Variants in TMPRSS11E observed in about 807,000 individuals in gnomAD.
The protein encoded by TMPRSS11E is transmembrane serine protease 11E.
Under a neutral mutation model 48.1 loss-of-function variants are expected in TMPRSS11E, and 38 were observed. That is an observed-to-expected ratio of 0.79 (90% CI 0.61 to 1.04). TMPRSS11E has a LOEUF of 1.04. Among genes scored for constraint, TMPRSS11E ranks in the 50% least tolerant of loss-of-function variants. The pLI, the probability that TMPRSS11E is intolerant of heterozygous loss-of-function variation, is 0.00. For synonymous variants in TMPRSS11E, 158 were observed against 171.9 expected, an observed-to-expected ratio of 0.92 and a Z score of 0.63; for missense variants, 530 against 510.8, an observed-to-expected ratio of 1.04 and a Z score of -0.36.
At chr4:68,481,739 C>CAGA (rs1729406961) in intron 9 of TMPRSS11E, among the ~76,000 whole-genome samples, 2 of 152,118 alleles carry the variant, frequency 1.3e-5, no homozygotes, top group Non-Finnish European at 2.9e-5. Flanking sequence ...CACTAGAGCT[C>CAGA]AGAAGTTCAA....
At chr4:68,473,225 G>A (rs1729121973) in intron 5 of TMPRSS11E, among the ~76,000 whole-genome samples, 1 of 152,040 alleles carries the variant, frequency 6.6e-6, no homozygotes, top group African/African-American at 2.4e-5. Context: ...AGCAAAAGTT[G>A]TTGGCTAATA....
At chr4:68,494,860 G>A (rs550213666) in intron 9 of TMPRSS11E, among the ~76,000 whole-genome samples, 1 of 152,314 alleles carries the variant, frequency 6.6e-6, no homozygotes, top group East Asian at 1.9e-4. Context: ...ACAGGGAAGT[G>A]TAGTCCTGAG....
intron 9 of TMPRSS11E, among the ~76,000 whole-genome samples, chr4:68,488,609 G>T (rs1578145611): frequency 6.6e-6 from 1 of 152,016 alleles, no homozygotes; most frequent in African/African-American, 2.4e-5. Flanking sequence ...CAAGATATCG[G>T]CTCACTGCAA....
In TMPRSS11E at chr4:68,461,935, T is replaced by C; in HGVS notation, c.126T>C (p.Tyr42=). 1.2e-6 allele frequency: 2 copies of C among 1,614,192 alleles called. No homozygotes were observed. Among genetic ancestry groups the C allele is most frequent in the South Asian group, 2.2e-5 (2 of 91,086 alleles). Residue 42 remains tyrosine (Y), a synonymous_variant, in exon 2 of 10, where the codon TAT becomes TAC. Coordinates refer to ENST00000305363, the MANE Select transcript of TMPRSS11E (RefSeq NM_014058.4). ...LAVCIGLTVH[Y]VRYNQKKTYN... ...TGTGCATTGGACTCACTGTTCATTATGTGAGATATAGTAAGTATAAGCTGC... is the reference window on the plus strand; with the variant it reads ...TGTGCATTGGACTCACTGTTCATTACGTGAGATATAGTAAGTATAAGCTGC...
intron 6 of TMPRSS11E, 116 bp downstream of exon 6, chr4:68,474,877 T>A: frequency 1.2e-6 from 1 of 838,002 alleles, no homozygotes; most frequent in Non-Finnish European, 1.9e-6. Flanking sequence ...AAAGTTTGAT[T>A]AATTTGTGTA....
At chr4:68,450,396 G>A (rs944569656) in intron 1 of TMPRSS11E, among the ~76,000 whole-genome samples, 2 of 151,888 alleles carry the variant, frequency 1.3e-5, no homozygotes, top group African/African-American at 2.4e-5. Flanking sequence ...TTGTCTAGGC[G>A]GTTAGTAAGT....
At chr4:68,463,951 T>G (rs3805203) in intron 2 of TMPRSS11E, among the ~76,000 whole-genome samples, 20,620 of 152,224 alleles carry the variant, frequency 0.14, 1,851 homozygotes, top group Admixed American at 0.21. Flanking sequence ...CATTTGCCTC[T>G]TCCCAAGCCA....
At chr4:68,491,714 T>G in intron 9 of TMPRSS11E, among the ~76,000 whole-genome samples, 1 of 152,244 alleles carries the variant, frequency 6.6e-6, no homozygotes, top group South Asian at 2.1e-4. Flanking sequence ...TTTGACAGAA[T>G]TTTTGTTTAA....
Position 68,496,660 on chromosome 4 carries a change from A to T in TMPRSS11E, c.1128A>T (p.Pro376=). Residue 376 remains proline (P), a synonymous_variant, in exon 10 of 10, where the codon CCA becomes CCT. Coordinates refer to ENST00000305363, the MANE Select transcript of TMPRSS11E (RefSeq NM_014058.4). ...TDACQGDSGG[P]LVSSDARDIW... is the part of the protein sequence containing the mutation. ...TCCTTTAGGGTGACTCTGGAGGACCACTGGTTAGTTCAGATGCTAGAGATA... is the reference window on the plus strand; with the variant it reads ...TCCTTTAGGGTGACTCTGGAGGACCTCTGGTTAGTTCAGATGCTAGAGATA... 6.2e-7 allele frequency: 1 copy of T among 1,613,006 alleles called. No individual in the cohort carries two copies. The highest frequency in any genetic ancestry group is 8.5e-7 in the Non-Finnish European group (1 of 1,179,414).
rs570506663 is a variant in TMPRSS11E, at chr4:68,491,130, C to G, written c.1111-5513C>G. 7.9e-5 allele frequency among the ~76,000 whole-genome samples: 12 copies of G among 151,826 alleles called. No individual in the cohort carries two copies. The East Asian group carries it at 9.7e-4, about 12-fold the overall frequency. On this transcript the variant is annotated intron_variant, in intron 9 of 9. Transcript: ENST00000305363. ...CTTACAGCCTGGTAAGCATGGAAGTCTTTTCAGTTGGGATTTATTGTCTTC... is the reference window on the plus strand; with the variant it reads ...CTTACAGCCTGGTAAGCATGGAAGTGTTTTCAGTTGGGATTTATTGTCTTC...
At chr4:68,482,659 C>G (rs140407561) in intron 9 of TMPRSS11E, among the ~76,000 whole-genome samples, 3,676 of 147,526 alleles carry the variant, frequency 0.025, 125 homozygotes, top group African/African-American at 0.072. Flanking sequence ...ATAGTTCCAG[C>G]TGTTTGGGAG....
intron 9 of TMPRSS11E, among the ~76,000 whole-genome samples, chr4:68,488,641 C>A (rs1197441206): frequency 6.6e-6 from 1 of 152,130 alleles, no homozygotes; most frequent in Non-Finnish European, 1.5e-5. Context: ...CGGGTTAATG[C>A]CATTCTCCTG....
chr4:68,482,867 T>A (rs1729447057), intron 9 of TMPRSS11E, among the ~76,000 whole-genome samples: 1 of 152,174 alleles, frequency 6.6e-6, no homozygotes, highest in South Asian at 2.1e-4. Flanking sequence ...GATGTAACTA[T>A]CAGCATTTTG....
chr4:68,454,238 C>T (rs939582836), intron 1 of TMPRSS11E, among the ~76,000 whole-genome samples: 1 of 151,868 alleles, frequency 6.6e-6, no homozygotes, highest in African/African-American at 2.4e-5. Context: ...GTGAGCTGAG[C>T]TGCAGTTATA....
At chr4:68,470,905 T>C (rs1200336282) in intron 4 of TMPRSS11E, among the ~76,000 whole-genome samples, 1 of 151,878 alleles carries the variant, frequency 6.6e-6, no homozygotes, top group Non-Finnish European at 1.5e-5. Context: ...TTAGGGGAGG[T>C]AAGTAGACTT....
chr4:68,489,991 T>C (rs62317882), intron 9 of TMPRSS11E, among the ~76,000 whole-genome samples: 77,368 of 152,114 alleles, frequency 0.51, 21,878 homozygotes, highest in Non-Finnish European at 0.65. Context: ...CTCTCCAGGC[T>C]GTTCTCCCTG....
At chr4:68,487,454 G>A (rs1010369690) in intron 9 of TMPRSS11E, among the ~76,000 whole-genome samples, 1 of 151,988 alleles carries the variant, frequency 6.6e-6, no homozygotes, top group African/African-American at 2.4e-5. Context: ...ATTTCGCTAT[G>A]TTGGCCAGGC....
intron 4 of TMPRSS11E, among the ~76,000 whole-genome samples, chr4:68,471,211 T>C (rs182778073): frequency 6.6e-6 from 1 of 151,826 alleles, no homozygotes; most frequent in East Asian, 1.9e-4. Context: ...GATTGTGATA[T>C]TACCCTTCTT....
At chr4:68,493,493 T>C (rs1729785917) in intron 9 of TMPRSS11E, among the ~76,000 whole-genome samples, 1 of 151,856 alleles carries the variant, frequency 6.6e-6, no homozygotes, top group South Asian at 2.1e-4. Context: ...AGGGATGGAG[T>C]TTCATGCTTG....
Sources: allele counts gnomAD v4.1 joint callset (sites outside exome capture counted in the v4.1 genomes callset), GRCh38; gene constraint gnomAD v4.1.1; transcripts MANE v1.5; gene names NCBI Gene and HGNC (gene_info 2026-07-23, HGNC 2026-07-21).